Variants in ZNF808 observed in about 807,000 individuals in gnomAD.
The protein encoded by ZNF808 is zinc finger protein 808.
In ZNF808, 5 loss-of-function variants were observed where a neutral mutation model predicts 8.7. That is an observed-to-expected ratio of 0.58 (90% CI 0.30 to 1.21). The LOEUF (loss-of-function observed/expected upper bound fraction) is 1.21, where lower values mean the gene tolerates loss of function less well. Ranked by LOEUF, ZNF808 falls within the 50% of genes most tolerant of loss-of-function variation. ZNF808 has a pLI of 0.07. For missense variants in ZNF808, 1,103 were observed against 1,098.4 expected (o/e 1.00, Z -0.06); for synonymous variants, 380 against 366.0 (o/e 1.04, Z -0.44).
At chr19:52,542,379 T>C (rs2059679608) in intron 2 of ZNF808, among the ~76,000 whole-genome samples, 1 of 152,130 alleles carries the variant, frequency 6.6e-6, no homozygotes, top group Non-Finnish European at 1.5e-5. Flanking sequence ...ACGGGTCGCT[T>C]TCCTTTTCCT....
At chr19:52,564,914 G>A (rs549199233), downstream of ZNF808, among the ~76,000 whole-genome samples, 24 of 152,122 alleles carry the variant, frequency 1.6e-4, 2 homozygotes, top group African/African-American at 4.8e-4. Flanking sequence ...GTGAAACCCC[G>A]TCTCTACTAA....
Position 52,553,862 on chromosome 19 carries a change from A to G in ZNF808, c.946A>G (p.Lys316Glu), listed in dbSNP as rs778414864. ...ACTTCATACTGGAGTAAAACCTTAC[A>G]AGTGTAATGAGTGTGGCAAGGTCTT... The part of the protein sequence containing the change: ...HRLHTGVKPY[K>E]CNECGKVFRQ... Residue 316 changes from lysine (K) to glutamate (E), a missense_variant, in exon 5 of 5, where the codon AAG (lysine) becomes GAG (glutamate). Transcript: ENST00000359798. 3 of 1,614,178 alleles carry G rather than the reference A, an allele frequency of 1.9e-6. No individual in the cohort carries two copies. The highest frequency in any genetic ancestry group is 3.3e-4 in the Middle Eastern group (2 of 6,062).
In ZNF808 at chr19:52,553,473, A is replaced by T; in HGVS notation, c.557A>T (p.Asp186Val). ...AATCAACTTGAGAAGTCTACCAGTG[A>T]TGCTTCCTCAGTTTCAACATCCCAA... ...IANQLEKSTS[D>V]ASSVSTSQRI... is the part of the protein sequence containing the mutation. The change falls in exon 5 of 5, where the codon GAT (aspartate) becomes GTT (valine). Residue 186 changes from aspartate (D) to valine (V), a missense_variant. By Grantham distance (152) the Asp-to-Val change is radical. Transcript: ENST00000359798. 6.2e-7 allele frequency: 1 copy of T among 1,614,206 alleles called. No homozygotes were observed. The highest frequency in any genetic ancestry group is 8.5e-7 in the Non-Finnish European group (1 of 1,180,032).
At chr19:52,530,068 C>T (rs942860035) in intron 1 of ZNF808, among the ~76,000 whole-genome samples, 28 of 151,810 alleles carry the variant, frequency 1.8e-4, no homozygotes, top group Admixed American at 5.9e-4. Context: ...ATAGCCCCCC[C>T]CTTTTTTTTG....
chr19:52,553,687 A>G lies in ZNF808; in HGVS notation c.771A>G (p.Lys257=). 1 of 1,614,138 alleles carries G rather than the reference A, an allele frequency of 6.2e-7. No individual in the cohort carries two copies. The highest frequency in any genetic ancestry group is 8.5e-7 in the Non-Finnish European group (1 of 1,179,996). ...RKHQIPHLGD[K]QYKCDVCGKL... Reference sequence around the variant, plus strand: ...ACCAGATACCCCATTTAGGAGACAAACAATATAAATGTGATGTATGTGGCA... The same window carrying G: ...ACCAGATACCCCATTTAGGAGACAAGCAATATAAATGTGATGTATGTGGCA... Residue 257 remains lysine, a synonymous_variant, in exon 5 of 5, where the codon AAA becomes AAG. Transcript: ENST00000359798.
intron 4 of ZNF808, among the ~76,000 whole-genome samples, chr19:52,550,751 C>T (rs746813618): frequency 6.6e-6 from 1 of 152,150 alleles, no homozygotes; most frequent in Non-Finnish European, 1.5e-5. Flanking sequence ...GAACTCCCAA[C>T]CTCAGGTGAT....
downstream of ZNF808, among the ~76,000 whole-genome samples, chr19:52,557,569 C>T (rs2059842503): frequency 6.6e-6 from 1 of 152,178 alleles, no homozygotes; most frequent in Non-Finnish European, 1.5e-5. Context: ...TGCCTGAAGA[C>T]TCATGTATTC....
exon 4 of ZNF808, chr19:52,564,035 TTGTC>T: frequency 1.8e-6 from 1 of 562,174 alleles, no homozygotes; most frequent in South Asian, 1.6e-5. Flanking sequence ...CTCTCCTCCT[TTGTC>T]TGCCATCATG....
At chr19:52,543,020 GC>G (rs1320864791) in intron 2 of ZNF808, among the ~76,000 whole-genome samples, 1 of 151,874 alleles carries the variant, frequency 6.6e-6, no homozygotes, top group East Asian at 1.9e-4. Flanking sequence ...CATCAGTGCA[GC>G]CCAGGTCCCC....
At chr19:52,537,408 C>T (rs1237126067) in intron 2 of ZNF808, among the ~76,000 whole-genome samples, 10 of 152,076 alleles carry the variant, frequency 6.6e-5, no homozygotes, top group African/African-American at 2.4e-4. Flanking sequence ...AAAGAGGGGC[C>T]AGGTGCAGTG....
At chr19:52,532,017 C>T (rs544305666) in intron 1 of ZNF808, among the ~76,000 whole-genome samples, 4 of 152,246 alleles carry the variant, frequency 2.6e-5, no homozygotes, top group East Asian at 1.9e-4. Flanking sequence ...GTTTAGAATT[C>T]TGCAGGCTGT....
chr19:52,546,301 C>T (rs2059719617), intron 3 of ZNF808, among the ~76,000 whole-genome samples: 1 of 151,632 alleles, frequency 6.6e-6, no homozygotes, highest in African/African-American at 2.4e-5. Flanking sequence ...AATTCTCCAG[C>T]CTCAGCCTCC....
chr19:52,539,173 CTCT>C (rs1346189048), intron 2 of ZNF808, among the ~76,000 whole-genome samples: 4 of 147,894 alleles, frequency 2.7e-5, no homozygotes, highest in East Asian at 2.0e-4. Context: ...TTTCTAGTTC[CTCT>C]TCATTTCATT....
intron 1 of ZNF808, among the ~76,000 whole-genome samples, chr19:52,531,344 G>A (rs541643759): frequency 1.0e-4 from 15 of 149,498 alleles, no homozygotes; most frequent in African/African-American, 2.5e-4. Flanking sequence ...GTGTGGTGGC[G>A]CGTGGCTGTA....
At chr19:52,532,510 T>C (rs577284257) in intron 1 of ZNF808, among the ~76,000 whole-genome samples, 3 of 152,346 alleles carry the variant, frequency 2.0e-5, no homozygotes, top group Admixed American at 2.0e-4. Flanking sequence ...TATAATATAT[T>C]GTGTGGTCTT....
At chr19:52,537,733 T>C (rs1353715786) in intron 2 of ZNF808, among the ~76,000 whole-genome samples, 11 of 151,584 alleles carry the variant, frequency 7.3e-5, no homozygotes, top group Admixed American at 2.0e-4. Flanking sequence ...CAGATGAGTG[T>C]GTGAGTTCAT....
At chr19:52,568,296 C>A (rs1378402375), downstream of ZNF808, among the ~76,000 whole-genome samples, 5 of 152,240 alleles carry the variant, frequency 3.3e-5, no homozygotes, top group East Asian at 9.6e-4. Context: ...ACTGCTTGAA[C>A]CCAGGACGTG....
chr19:52,542,571 C>T (rs2059681921), intron 2 of ZNF808, among the ~76,000 whole-genome samples: 1 of 145,410 alleles, frequency 6.9e-6, no homozygotes, highest in Admixed American at 7.1e-5. Flanking sequence ...AGCTGTGAAA[C>T]CAGAAAATCT....
chr19:52,565,115 A>T (rs71358885), downstream of ZNF808, among the ~76,000 whole-genome samples: 2 of 152,098 alleles, frequency 1.3e-5, no homozygotes, highest in African/African-American at 4.8e-5. Flanking sequence ...AAATAAAAAT[A>T]CAAATACAAA....
Sources: allele counts gnomAD v4.1 joint callset (sites outside exome capture counted in the v4.1 genomes callset), GRCh38; gene constraint gnomAD v4.1.1; transcripts MANE v1.5; gene names NCBI Gene and HGNC (gene_info 2026-07-23, HGNC 2026-07-21).